The following SOCS1 variants were observed in gnomAD, a reference collection of about 807,000 sequenced individuals.
The protein encoded by SOCS1 is JAK binding protein.
In SOCS1, 3 loss-of-function variants were observed where a neutral mutation model predicts 9.7. That is an observed-to-expected ratio of 0.31 (90% confidence interval 0.14 to 0.80). The LOEUF is 0.80. SOCS1 is among the 30% of genes least tolerant of loss of function. The pLI is 0.61. For missense variants in SOCS1, 368 were observed against 324.7 expected, an observed-to-expected ratio of 1.13 and a Z score of -1.02; for synonymous variants, 194 against 150.2, an observed-to-expected ratio of 1.29 and a Z score of -2.13.
chr16:11,254,800 A>ACGGCATCCCAGTTAATGCTG lies in SOCS1; in HGVS notation c.*23_*42dup. The ACGGCATCCCAGTTAATGCTG allele has an allele frequency of 6.9e-7, 1 of 1,440,116 alleles. No individual in the cohort carries two copies. The highest frequency in any genetic ancestry group is 2.7e-5 in the East Asian group (1 of 36,844). The allele number at this position is 1,440,116 out of a possible 1,614,324, so 89.2% of individuals were successfully genotyped here. A position where few individuals can be genotyped will look rare whatever the true frequency, so the allele number is the denominator to read the frequency against. On this transcript the variant is annotated 3_prime_UTR_variant, in exon 2 of 2. Coordinates refer to ENST00000332029, the MANE Select transcript of SOCS1 (RefSeq NM_003745.2). ...TCCAGGCAAGTAATAACAAAATAAC[A>ACGGCATCCCAGTTAATGCTG]CGGCATCCCAGTTAATGCTGCGTGC...
In SOCS1 at chr16:11,255,372, G is replaced by A; in HGVS notation, c.107C>T (p.Pro36Leu). 1 of 1,339,356 alleles carries A rather than the reference G, an allele frequency of 7.5e-7. No homozygotes were observed. The highest frequency in any genetic ancestry group is 9.5e-7 in the Non-Finnish European group (1 of 1,051,978). The allele number at this position is 1,339,356 out of a possible 1,614,324, so 83.0% of individuals were successfully genotyped here. A position where few individuals can be genotyped will look rare whatever the true frequency, so the allele number is the denominator to read the frequency against. The change falls in exon 2 of 2, where the codon CCC becomes CTC. Residue 36 changes from proline (P) to leucine (L), a missense_variant. Physicochemically the swap from Pro to Leu is moderately conservative, Grantham distance 98. Coordinates refer to ENST00000332029, the MANE Select transcript of SOCS1 (RefSeq NM_003745.2). ...SSSSSSSPAA[P>L]ARPRPCPAVP... ...CGCGGGGCACGGCCGCGGGCGCGCG[G>A]GGGCCGCGGGCGAGGAGGAGGAAGA...
chr16:11,255,005 C>G lies in SOCS1; in HGVS notation c.474G>C (p.Pro158=), dbSNP rs1362638569. 3.8e-6 allele frequency: 6 copies of G among 1,575,622 alleles called. No individual in the cohort carries two copies. The highest frequency in any genetic ancestry group is 5.2e-6 in the Non-Finnish European group (6 of 1,164,472). ...GCAGCGGGGCCCCCAGCATGCGGCG[C>G]GGCGCCGCCACGTAGTGCTCCAGCA... is the stretch of plus-strand genomic sequence containing the variant. ...FELLEHYVAA[P]RRMLGAPLRQ... The change falls in exon 2 of 2, where the codon CCG becomes CCC. Residue 158 remains proline (P), a synonymous_variant. Coordinates refer to ENST00000332029, the MANE Select transcript of SOCS1 (RefSeq NM_003745.2).
In SOCS1 at chr16:11,255,136, G is replaced by C. The variant is rs1201969543; in HGVS notation, c.343C>G (p.Leu115Val). 6.2e-7 allele frequency: 1 copy of C among 1,607,534 alleles called. No individual in the cohort carries two copies. The highest frequency in any genetic ancestry group is 2.2e-5 in the East Asian group (1 of 44,592). ...DSRQRNCFFA[L>V]SVKMASGPTS... ...GGTCCCGAGGCCATCTTCACGCTAA[G>C]GGCGAAAAAGCAGTTCCGCTGGCGG... Residue 115 changes from leucine to valine, a missense_variant, in exon 2 of 2, where the codon CTT becomes GTT. Coordinates refer to ENST00000332029, the MANE Select transcript of SOCS1 (RefSeq NM_003745.2).
At position 11,255,337 on chromosome 16, in the gene SOCS1, G is replaced by C; in HGVS notation, c.142C>G (p.Pro48Ala). ...CGGAAGTGCGTGTCGCCGGGGGCCG[G>C]GGCCGGGACCGCGGGGCACGGCCGC... is the stretch of plus-strand genomic sequence containing the variant. ...RPRPCPAVPA[P>A]APGDTHFRTF... The change falls in exon 2 of 2, where the codon CCG becomes GCG. Residue 48 changes from proline to alanine, a missense_variant. Pro to Ala is a conservative substitution (Grantham distance 27). Transcript: ENST00000332029. The C allele has an allele frequency of 1.4e-6, 2 of 1,432,360 alleles. No homozygotes were observed. The highest frequency in any genetic ancestry group is 9.1e-7 in the Non-Finnish European group (1 of 1,098,560). 88.7% of individuals were successfully genotyped at this position (1,432,360 alleles called of 1,614,324 possible). A position where few individuals can be genotyped will look rare whatever the true frequency, so the allele number is the denominator to read the frequency against.
chr16:11,255,678 A>C (rs2069592048), intron 1 of SOCS1, 150 bp from the exon 2 acceptor site: 1 of 380,866 alleles, frequency 2.6e-6, no homozygotes, highest in Non-Finnish European at 4.6e-6. Context: ...GTTCAGCCTC[A>C]GTGGACACAG....
In SOCS1 at chr16:11,254,444, A is replaced by G. The variant is rs544292351; in HGVS notation, c.*399T>C. On this transcript the variant is annotated 3_prime_UTR_variant, in exon 2 of 2. Coordinates refer to ENST00000332029, the MANE Select transcript of SOCS1 (RefSeq NM_003745.2). ...AAAAAAAACTTTCATAATAAAGTTT[A>G]TTACCTAAACTGACTTTAAAAAATA... 4.1e-6 allele frequency: 1 copy of G among 241,038 alleles called. No individual in the cohort carries two copies. The highest frequency in any genetic ancestry group is 1.8e-4 in the South Asian group (1 of 5,612). 14.9% of individuals were successfully genotyped at this position (241,038 alleles called of 1,614,324 possible).
chr16:11,255,527 C>T lies in SOCS1; in HGVS notation c.-49G>A, dbSNP rs1451697241. 1.7e-6 allele frequency: 2 copies of T among 1,150,528 alleles called. No individual in the cohort carries two copies. The highest frequency in any genetic ancestry group is 2.2e-6 in the Non-Finnish European group (2 of 910,516). The allele number at this position is 1,150,528 out of a possible 1,614,324, so 71.3% of individuals were successfully genotyped here. On this transcript the variant is annotated splice_region_variant and 5_prime_UTR_variant, in exon 2 of 2. Coordinates refer to ENST00000332029, the MANE Select transcript of SOCS1 (RefSeq NM_003745.2). ...GGGTGGGCCATAGCGTCCGGGGGTG[C>T]GCTGCGGGAGAGACAAAGAGGTGAG...
rs1483633214 is a variant in SOCS1, at chr16:11,256,115, C to G, written c.-87G>C. The G allele has an allele frequency of 6.6e-6, 1 of 151,304 alleles. No homozygotes were observed. The highest frequency in any genetic ancestry group is 6.6e-5 in the Admixed American group (1 of 15,174). The allele number at this position is 151,304 out of a possible 1,614,324, so 9.4% of individuals were successfully genotyped here. A position where few individuals can be genotyped will look rare whatever the true frequency, so the allele number is the denominator to read the frequency against. On this transcript the variant is annotated 5_prime_UTR_variant, in exon 1 of 2. Transcript: ENST00000332029. Reference sequence around the variant, plus strand: ...GCGCGGGACGCCGCGGGCGGGACGGCGGGGGGCTCCGGGGCGCTCCGGGGC... The same window carrying G: ...GCGCGGGACGCCGCGGGCGGGACGGGGGGGGGCTCCGGGGCGCTCCGGGGC...
At chr16:11,255,743 T>G in intron 1 of SOCS1, 8 of 286,746 alleles carry the variant, frequency 2.8e-5, no homozygotes, top group South Asian at 1.7e-4. Flanking sequence ...GGGGGCTCGG[T>G]GGAGGCGGAG....
In SOCS1 at chr16:11,254,984, C is replaced by T. The variant is rs1448060635; in HGVS notation, c.495G>A (p.Pro165=). ...GCGGCCGCACGCGGCGCTGGCGCAG[C>T]GGGGCCCCCAGCATGCGGCGCGGCG... is the stretch of plus-strand genomic sequence containing the variant. ...VAAPRRMLGA[P]LRQRRVRPLQ... Residue 165 remains proline (P), a synonymous_variant, in exon 2 of 2, where the codon CCG becomes CCA. Coordinates refer to ENST00000332029, the MANE Select transcript of SOCS1 (RefSeq NM_003745.2). The T allele has an allele frequency of 1.3e-6, 2 of 1,546,956 alleles. No individual in the cohort carries two copies. Among genetic ancestry groups the T allele is most frequent in the African/African-American group, 1.4e-5 (1 of 69,986 alleles).
rs1274013757 is a variant in SOCS1, at chr16:11,254,594, C to G, written c.*249G>C. 2.4e-6 allele frequency: 1 copy of G among 409,670 alleles called. No individual in the cohort carries two copies. The highest frequency in any genetic ancestry group is 4.5e-5 in the Admixed American group (1 of 21,986). 25.4% of individuals were successfully genotyped at this position (409,670 alleles called of 1,614,324 possible). A position where few individuals can be genotyped will look rare whatever the true frequency, so the allele number is the denominator to read the frequency against. On this transcript the variant is annotated 3_prime_UTR_variant, in exon 2 of 2. Coordinates refer to ENST00000332029, the MANE Select transcript of SOCS1 (RefSeq NM_003745.2). ...GGAGGTGCGAGTTCAGGTCCTGGCTCCAGATACAGTTAAGCTGCTACAACA... is the reference window on the plus strand; with the variant it reads ...GGAGGTGCGAGTTCAGGTCCTGGCTGCAGATACAGTTAAGCTGCTACAACA...
rs1444488997 is a variant in SOCS1, at chr16:11,254,939, C to A, written c.540G>T (p.Gln180His). 1 of 1,479,208 alleles carries A rather than the reference C, an allele frequency of 6.8e-7. No individual in the cohort carries two copies. 91.6% of individuals were successfully genotyped at this position (1,479,208 alleles called of 1,614,324 possible). A position where few individuals can be genotyped will look rare whatever the true frequency, so the allele number is the denominator to read the frequency against. Residue 180 changes from glutamine (Q) to histidine (H), a missense_variant, in exon 2 of 2, where the codon CAG (glutamine) becomes CAT (histidine). Transcript: ENST00000332029. ...CGCGGCCCACGGTGGCCACGATGCG[C>A]TGGCGGCACAGCTCCTGCAGCGGCC... ...RVRPLQELCR[Q>H]RIVATVGREN...
chr16:11,256,114 GCGGGGGGCTC>G lies in SOCS1; in HGVS notation c.-96_-87del, dbSNP rs1264585641. The G allele has an allele frequency of 2.6e-5, 4 of 151,626 alleles. No homozygotes were observed. Among genetic ancestry groups the G allele is most frequent in the African/African-American group, 7.2e-5 (3 of 41,454 alleles). The allele number at this position is 151,626 out of a possible 1,614,324, so 9.4% of individuals were successfully genotyped here. ...GGCGCGGGACGCCGCGGGCGGGACG[GCGGGGGGCTC>G]CGGGGCGCTCCGGGGCGGCTCTCGC... On this transcript the variant is annotated 5_prime_UTR_variant, in exon 1 of 2. An upstream open reading frame in the 5' UTR gains an earlier in-frame stop. Transcript: ENST00000332029.
In SOCS1 at chr16:11,254,627, G is replaced by T; in HGVS notation, c.*216C>A. The T allele has an allele frequency of 1.9e-6, 1 of 520,270 alleles. No individual in the cohort carries two copies. Among genetic ancestry groups the T allele is most frequent in the Non-Finnish European group, 3.0e-6 (1 of 330,232 alleles). The allele number at this position is 520,270 out of a possible 1,614,324, so 32.2% of individuals were successfully genotyped here. A position where few individuals can be genotyped will look rare whatever the true frequency, so the allele number is the denominator to read the frequency against. On this transcript the variant is annotated 3_prime_UTR_variant, in exon 2 of 2. Transcript: ENST00000332029. The stretch of plus-strand genomic sequence containing the variant: ...AGTTAAGCTGCTACAACAACCAGGG[G>T]GACCCAGAGGGAGCACCAGGAGGGG...
chr16:11,255,223 C>A lies in SOCS1; in HGVS notation c.256G>T (p.Val86Leu). 1.3e-6 allele frequency: 2 copies of A among 1,573,384 alleles called. No homozygotes were observed. The highest frequency in any genetic ancestry group is 1.7e-6 in the Non-Finnish European group (2 of 1,166,002). Residue 86 changes from valine to leucine, a missense_variant, in exon 2 of 2, where the codon GTG becomes TTG. Coordinates refer to ENST00000332029, the MANE Select transcript of SOCS1 (RefSeq NM_003745.2). ...ACGFYWGPLS[V>L]HGAHERLRAE... is the part of the protein sequence containing the mutation. The stretch of plus-strand genomic sequence containing the variant: ...CGCAGCCGCTCGTGCGCCCCGTGCA[C>A]GCTCAGGGGCCCCCAGTAGAATCCG...
chr16:11,254,719 C>G lies in SOCS1; in HGVS notation c.*124G>C. The G allele has an allele frequency of 7.8e-7, 1 of 1,287,318 alleles. No individual in the cohort carries two copies. The highest frequency in any genetic ancestry group is 9.9e-7 in the Non-Finnish European group (1 of 1,007,152). 79.7% of individuals were successfully genotyped at this position (1,287,318 alleles called of 1,614,324 possible). On this transcript the variant is annotated 3_prime_UTR_variant, in exon 2 of 2. Coordinates refer to ENST00000332029, the MANE Select transcript of SOCS1 (RefSeq NM_003745.2). ...CTCCAGCCGAGGGCGGGAGGCGCCT[C>G]GCCCCTACACCCATCCGCTCCCTCC... is the stretch of plus-strand genomic sequence containing the variant.
Position 11,254,886 on chromosome 16 carries a change from G to T in SOCS1, c.593C>A (p.Pro198His). The stretch of plus-strand genomic sequence containing the variant: ...GGAGCTCAGGTAGTCGCGGAGGACG[G>T]GGTTGAGGGGGATGCGAGCCAGGTT... The part of the protein sequence containing the change: ...RENLARIPLN[P>H]VLRDYLSSFP... The change falls in exon 2 of 2, where the codon CCC (proline) becomes CAC (histidine). Residue 198 changes from proline to histidine, a missense_variant. By Grantham distance (77) the Pro-to-His change is moderately conservative. Transcript: ENST00000332029. The T allele has an allele frequency of 6.7e-7, 1 of 1,501,524 alleles. No individual in the cohort carries two copies. Among genetic ancestry groups the T allele is most frequent in the East Asian group, 2.6e-5 (1 of 38,058 alleles). 93.0% of individuals were successfully genotyped at this position (1,501,524 alleles called of 1,614,324 possible).
rs2069574232 is a variant in SOCS1 at position 11,254,804 on chromosome 16, C to T, written c.*39G>A. The T allele has an allele frequency of 6.9e-7, 1 of 1,444,634 alleles. No individual in the cohort carries two copies. The highest frequency in any genetic ancestry group is 9.1e-7 in the Non-Finnish European group (1 of 1,102,810). 89.5% of individuals were successfully genotyped at this position (1,444,634 alleles called of 1,614,324 possible). On this transcript the variant is annotated 3_prime_UTR_variant, in exon 2 of 2. Transcript: ENST00000332029. ...GGCAAGTAATAACAAAATAACACGGCATCCCAGTTAATGCTGCGTGCACGG... is the reference window on the plus strand; with the variant it reads ...GGCAAGTAATAACAAAATAACACGGTATCCCAGTTAATGCTGCGTGCACGG...
chr16:11,255,319 G>T lies in SOCS1; in HGVS notation c.160C>A (p.His54Asn). ...GCGTGCGAACGGAATGTGCGGAAGT[G>T]CGTGTCGCCGGGGGCCGGGGCCGGG... ...AVPAPAPGDTHFRTFRSHADY... is the reference protein window; with the variant it reads ...AVPAPAPGDTNFRTFRSHADY... The change falls in exon 2 of 2, where the codon CAC becomes AAC. Residue 54 changes from histidine (H) to asparagine (N), a missense_variant. By Grantham distance (68) the His-to-Asn change is moderately conservative. Coordinates refer to ENST00000332029, the MANE Select transcript of SOCS1 (RefSeq NM_003745.2). The T allele has an allele frequency of 6.8e-7, 1 of 1,477,222 alleles. No individual in the cohort carries two copies. 91.5% of individuals were successfully genotyped at this position (1,477,222 alleles called of 1,614,324 possible). A position where few individuals can be genotyped will look rare whatever the true frequency, so the allele number is the denominator to read the frequency against.
Sources: allele counts gnomAD v4.1 joint callset, GRCh38; gene constraint gnomAD v4.1.1; transcripts MANE v1.5; gene names NCBI Gene and HGNC (gene_info 2026-07-23, HGNC 2026-07-21).